Variants in NAALADL2 observed in about 807,000 individuals in gnomAD.
The protein encoded by NAALADL2 is N-acetylated alpha-linked acidic dipeptidase like 2, also known as inactive N-acetylated-alpha-linked acidic dipeptidase-like protein 2.
A neutral mutation model predicts 87.2 loss-of-function variants in NAALADL2; 76 were observed. The observed-to-expected ratio is 0.87, with a 90% CI of 0.72 to 1.05. NAALADL2 has a LOEUF of 1.05. Ranked by LOEUF, NAALADL2 falls within the 50% of genes least tolerant of loss-of-function variation. The pLI is 0.00. For missense variants in NAALADL2, 1,089 were observed against 945.8 expected, an observed-to-expected ratio of 1.15 and a Z score of -1.99; for synonymous variants, 354 against 331.0, an observed-to-expected ratio of 1.07 and a Z score of -0.75.
intron 7 of NAALADL2, 64 bp from the exon 8 acceptor site, chr3:175,466,915 G>A: frequency 1.5e-6 from 2 of 1,290,654 alleles, no homozygotes; most frequent in Non-Finnish European, 2.2e-6. Context: ...TTATGTAAAT[G>A]TCATTAAATT....
intron 1 of NAALADL2, among the ~76,000 whole-genome samples, chr3:174,974,259 G>A (rs2108620633): frequency 6.6e-6 from 1 of 152,316 alleles, no homozygotes; most frequent in East Asian, 1.9e-4. Flanking sequence ...AGCACTTGAA[G>A]GATAAACACC....
chr3:175,189,137 T>C (rs925796905), intron 2 of NAALADL2, among the ~76,000 whole-genome samples: 2 of 152,102 alleles, frequency 1.3e-5, no homozygotes, highest in Non-Finnish European at 2.9e-5. Flanking sequence ...TCATAATTAA[T>C]GGGGATAAAC....
chr3:175,134,147 C>T (rs1041833894), intron 2 of NAALADL2, among the ~76,000 whole-genome samples: 1 of 152,136 alleles, frequency 6.6e-6, no homozygotes, highest in African/African-American at 2.4e-5. Flanking sequence ...AGTTTATTTG[C>T]TTCTTTTATT....
chr3:174,544,784 G>T (rs9836696), intron 1 of NAALADL2, among the ~76,000 whole-genome samples: 82,458 of 151,464 alleles, frequency 0.54, 24,616 homozygotes, highest in East Asian at 0.85. Flanking sequence ...TTGGCCAGGA[G>T]AGTCTCGATC....
chr3:174,601,254 C>T (rs1352828463), intron 2 of NAALADL2, among the ~76,000 whole-genome samples: 1 of 152,158 alleles, frequency 6.6e-6, no homozygotes. Context: ...TACATTCACA[C>T]CAACAGTTGT....
At chr3:174,708,157 A>G (rs577275432) in intron 2 of NAALADL2, among the ~76,000 whole-genome samples, 1 of 152,284 alleles carries the variant, frequency 6.6e-6, no homozygotes, top group African/African-American at 2.4e-5. Context: ...GGTTTGACTC[A>G]TGTTATTTCC....
chr3:174,460,132 A>AT (rs1234448301), intron 1 of NAALADL2, among the ~76,000 whole-genome samples: 1 of 152,094 alleles, frequency 6.6e-6, no homozygotes, highest in African/African-American at 2.4e-5. Flanking sequence ...GCATACTAAG[A>AT]TTTTTTAGCA....
At chr3:174,835,354 T>C (rs1040652260) in intron 3 of NAALADL2, among the ~76,000 whole-genome samples, 5 of 152,126 alleles carry the variant, frequency 3.3e-5, no homozygotes, top group African/African-American at 1.2e-4. Context: ...AACGGTTAAC[T>C]TGAAATGGAT....
intron 2 of NAALADL2, among the ~76,000 whole-genome samples, chr3:174,668,902 C>T (rs1183721909): frequency 1.3e-5 from 2 of 152,138 alleles, no homozygotes; most frequent in African/African-American, 4.8e-5. Flanking sequence ...GTCTTTATAG[C>T]AGCATGATTT....
chr3:175,279,271 C>T (rs948776560), intron 4 of NAALADL2, among the ~76,000 whole-genome samples: 13 of 152,136 alleles, frequency 8.5e-5, no homozygotes, highest in Admixed American at 5.2e-4. Context: ...TTATCCTTAT[C>T]GTTGCCAAGG....
intron 1 of NAALADL2, among the ~76,000 whole-genome samples, chr3:174,972,298 T>C (rs1036407258): frequency 6.6e-6 from 1 of 152,218 alleles, no homozygotes; most frequent in African/African-American, 2.4e-5. Flanking sequence ...CTAAAGAATG[T>C]ATTAGTTTGC....
chr3:175,129,445 T>C (rs1413013655), intron 2 of NAALADL2, among the ~76,000 whole-genome samples: 3 of 152,210 alleles, frequency 2.0e-5, no homozygotes, highest in African/African-American at 7.2e-5. Context: ...CTAAAAACTT[T>C]GTAGTCTTTG....
chr3:174,794,671 CTT>C (rs952022680), intron 3 of NAALADL2, among the ~76,000 whole-genome samples: 2 of 152,154 alleles, frequency 1.3e-5, no homozygotes, highest in African/African-American at 4.8e-5. Flanking sequence ...CTAATTTAAA[CTT>C]TTTATTTTAA....
At position 174,939,636 on chromosome 3, in the gene NAALADL2, G is replaced by A. The variant is rs554655844; in HGVS notation, c.43+80186G>A. Among the ~76,000 whole-genome samples the A allele has an allele frequency of 5.9e-5, 9 of 151,876 alleles. No homozygotes were observed. In the East Asian group the frequency reaches 7.8e-4, roughly 13 times the overall value. On this transcript the variant is annotated intron_variant, in intron 1 of 13. Transcript: ENST00000454872. ...TTAATAATAGTCATTCTTCCTATAC[G>A]TGAGCATGGGATTTATTTTTATTTG... is the stretch of plus-strand genomic sequence containing the variant.
chr3:175,125,724 A>C (rs1049093545), intron 2 of NAALADL2, among the ~76,000 whole-genome samples: 1 of 152,120 alleles, frequency 6.6e-6, no homozygotes, highest in Non-Finnish European at 1.5e-5. Context: ...AGGTTCGAGA[A>C]GCCTACTAGA....
intron 10 of NAALADL2, among the ~76,000 whole-genome samples, chr3:175,595,909 C>T (rs1446739197): frequency 6.6e-6 from 1 of 151,800 alleles, no homozygotes; most frequent in Admixed American, 6.6e-5. Flanking sequence ...TTATATGGAA[C>T]CAAAGGGGAG....
intron 2 of NAALADL2, among the ~76,000 whole-genome samples, chr3:175,232,243 G>GAAAGAAGAAAGAAC (rs1181308336): frequency 1.3e-5 from 2 of 151,626 alleles, no homozygotes; most frequent in Non-Finnish European, 2.9e-5. Flanking sequence ...AGAGGAAGAA[G>GAAAGAAGAAAGAAC]AAAGAACAAG....
chr3:174,756,781 A>G (rs544387572), intron 3 of NAALADL2, among the ~76,000 whole-genome samples: 3 of 152,218 alleles, frequency 2.0e-5, no homozygotes. Context: ...AGCCACAGTG[A>G]CCTATTTGTT....
intron 1 of NAALADL2, among the ~76,000 whole-genome samples, chr3:174,534,692 G>A (rs922861977): frequency 6.6e-6 from 1 of 152,094 alleles, no homozygotes; most frequent in African/African-American, 2.4e-5. Context: ...TCAATCCCTG[G>A]CAAAAGTAAT....
Sources: allele counts gnomAD v4.1 joint callset (sites outside exome capture counted in the v4.1 genomes callset), GRCh38; gene constraint gnomAD v4.1.1; transcripts MANE v1.5; gene names NCBI Gene and HGNC (gene_info 2026-07-23, HGNC 2026-07-21).